Variants in POU2F1 observed in about 807,000 individuals in gnomAD.
The protein encoded by POU2F1 is POU domain, class 2, transcription factor 1.
POU2F1 carries 16 observed loss-of-function variants against 84.9 expected under a neutral mutation model. The ratio of observed to expected loss-of-function variants is 0.19; its 90% CI spans 0.13 to 0.29. The LOEUF is 0.29. POU2F1 is among the 10% of genes least tolerant of loss of function. The pLI, the probability that POU2F1 is intolerant of heterozygous loss-of-function variation, is 1.00. For synonymous variants in POU2F1, 368 were observed against 368.3 expected, an observed-to-expected ratio of 1.00 and a Z score of 0.01; for missense variants, 738 against 942.6, an observed-to-expected ratio of 0.78 and a Z score of 2.84.
At chr1:167,360,948 T>C (rs536701863) in intron 2 of POU2F1, among the ~76,000 whole-genome samples, 24 of 152,182 alleles carry the variant, frequency 1.6e-4, no homozygotes, top group Middle Eastern at 6.8e-3. Flanking sequence ...TATTTTATTT[T>C]ATTTTATTTT....
intron 13 of POU2F1, among the ~76,000 whole-genome samples, chr1:167,410,527 A>G (rs68147460): frequency 7.2e-6 from 1 of 138,620 alleles, no homozygotes; most frequent in African/African-American, 3.4e-5. Flanking sequence ...TATTATTATT[A>G]TTATTTTTAA....
chr1:167,408,294 A>G (rs1387957944), intron 13 of POU2F1, among the ~76,000 whole-genome samples: 1 of 152,218 alleles, frequency 6.6e-6, no homozygotes, highest in Non-Finnish European at 1.5e-5. Context: ...GGAATGTAGA[A>G]TGATACAGCT....
In POU2F1 at chr1:167,396,315, A is replaced by G. The variant is rs149539541; in HGVS notation, c.1017A>G (p.Leu339=). Residue 339 remains leucine (L), a synonymous_variant, in exon 10 of 16, where the codon CTA becomes CTG. Coordinates refer to ENST00000367866, the MANE Select transcript of POU2F1 (RefSeq NM_002697.4). ...QGDVGLAMGK[L]YGNDFSQTTI... is the part of the protein sequence containing the mutation. ...ATGTTGGGCTCGCTATGGGGAAACT[A>G]TATGGAAATGACTTCAGCCAAACTA... is the stretch of plus-strand genomic sequence containing the variant. 26 of 1,614,116 alleles carry G rather than the reference A, an allele frequency of 1.6e-5. No homozygotes were observed. Among genetic ancestry groups the G allele is most frequent in the East Asian group, 6.7e-5 (3 of 44,876 alleles).
At chr1:167,401,398 C>CT in intron 12 of POU2F1, 53 bp from the exon 13 acceptor site, 2 of 1,269,092 alleles carry the variant, frequency 1.6e-6, no homozygotes, top group South Asian at 1.3e-5. Context: ...ATCATTTCCT[C>CT]TTTAAGTTTT....
intron 1 of POU2F1, among the ~76,000 whole-genome samples, chr1:167,298,175 A>G (rs1162455858): frequency 6.6e-6 from 1 of 152,012 alleles, no homozygotes; most frequent in African/African-American, 2.4e-5. Context: ...TAGAGCAAGA[A>G]CGAGGAGCCT....
Position 167,237,741 on chromosome 1 carries a change from T to A in POU2F1, c.61+16783T>A, listed in dbSNP as rs1436301987. Among the ~76,000 whole-genome samples, 93 of 56,064 alleles carry A rather than the reference T, an allele frequency of 1.7e-3. 2 individuals carry two copies. The highest frequency in any genetic ancestry group is 5.4e-3 in the African/African-American group (91 of 16,766). 36.8% of individuals were successfully genotyped at this position (56,064 alleles called of 152,430 possible). On this transcript the variant is annotated intron_variant, in intron 1 of 15. Coordinates refer to ENST00000367866, the MANE Select transcript of POU2F1 (RefSeq NM_002697.4). ...TTTATTTTTTAAATCCATATATGTGTGTGTGTATATATATATATATATATA... is the reference window on the plus strand; with the variant it reads ...TTTATTTTTTAAATCCATATATGTGAGTGTGTATATATATATATATATATA...
intron 1 of POU2F1, among the ~76,000 whole-genome samples, 193 bp from the exon 2 acceptor site, chr1:167,332,277 G>A (rs1657124618): frequency 6.6e-6 from 1 of 152,050 alleles, no homozygotes; most frequent in South Asian, 2.1e-4. Context: ...AGGGTCTGGG[G>A]AATTTTGAAT....
intron 1 of POU2F1, among the ~76,000 whole-genome samples, chr1:167,287,460 A>G (rs978869525): frequency 2.0e-5 from 3 of 152,238 alleles, no homozygotes; most frequent in Non-Finnish European, 2.9e-5. Flanking sequence ...AGGAAAAAAG[A>G]CAACATCAGA....
intron 3 of POU2F1, among the ~76,000 whole-genome samples, chr1:167,367,572 C>A (rs1310645062): frequency 6.6e-6 from 1 of 152,028 alleles, no homozygotes; most frequent in Admixed American, 6.6e-5. Context: ...AAGGAATGCT[C>A]TCTTCTTTTT....
chr1:167,241,781 A>G (rs1041405110), intron 1 of POU2F1, among the ~76,000 whole-genome samples: 15 of 152,182 alleles, frequency 9.9e-5, no homozygotes, highest in East Asian at 5.8e-4. Context: ...TATGTGTTTT[A>G]TAGGTGTAGA....
At chr1:167,226,059 G>A (rs899450605) in intron 1 of POU2F1, among the ~76,000 whole-genome samples, 10 of 152,158 alleles carry the variant, frequency 6.6e-5, no homozygotes, top group South Asian at 2.1e-4. Context: ...GGTAATTTGC[G>A]TTTAGGGAAC....
In POU2F1 at chr1:167,280,531, A is replaced by G. The variant is rs550185271; in HGVS notation, c.62-51939A>G. On this transcript the variant is annotated intron_variant, in intron 1 of 15. Transcript: ENST00000367866. ...CAGCCAGAATTACCTAAAGGTATGA[A>G]CAGTATTATGACAGTTACCTTTAAA... Among the ~76,000 whole-genome samples, 82 of 152,304 alleles carry G rather than the reference A, an allele frequency of 5.4e-4. 1 individual carries two copies. In the South Asian group the frequency reaches 0.017, roughly 31 times the overall value.
At chr1:167,407,244 G>A (rs1458228772) in intron 13 of POU2F1, among the ~76,000 whole-genome samples, 1 of 151,978 alleles carries the variant, frequency 6.6e-6, no homozygotes, top group African/African-American at 2.4e-5. Context: ...TGCCCAGGCT[G>A]GTCTCGAACT....
intron 2 of POU2F1, among the ~76,000 whole-genome samples, chr1:167,360,436 C>G (rs1467979476): frequency 6.6e-6 from 1 of 152,146 alleles, no homozygotes; most frequent in Non-Finnish European, 1.5e-5. Context: ...GTTTTCCCAG[C>G]ACCGTTATAG....
At chr1:167,290,325 A>G (rs1053745653) in intron 1 of POU2F1, among the ~76,000 whole-genome samples, 1 of 152,172 alleles carries the variant, frequency 6.6e-6, no homozygotes, top group Admixed American at 6.5e-5. Flanking sequence ...TGAACCCAGG[A>G]GTTTGAGCCT....
intron 1 of POU2F1, among the ~76,000 whole-genome samples, chr1:167,305,911 A>G (rs1039811734): frequency 2.6e-5 from 4 of 151,914 alleles, no homozygotes; most frequent in Admixed American, 2.6e-4. Flanking sequence ...TGGAATTCCT[A>G]CTCTGCTGGG....
At position 167,360,218 on chromosome 1, in the gene POU2F1, C is replaced by T. The variant is rs542889954; in HGVS notation, c.128-5249C>T. On this transcript the variant is annotated intron_variant, in intron 2 of 15. Coordinates refer to ENST00000367866, the MANE Select transcript of POU2F1 (RefSeq NM_002697.4). Reference sequence around the variant, plus strand: ...TTTAGTTTAATTAAATCCAAGTTGTCTGTTTTTATTTTTGTTGCGTTTGCT... The same window carrying T: ...TTTAGTTTAATTAAATCCAAGTTGTTTGTTTTTATTTTTGTTGCGTTTGCT... 6.1e-3 allele frequency among the ~76,000 whole-genome samples: 925 copies of T among 152,178 alleles called. 8 individuals carry two copies. Among genetic ancestry groups the T allele is most frequent in the Middle Eastern group, 0.048 (14 of 294 alleles).
chr1:167,266,628 T>A (rs1176879711), intron 1 of POU2F1, among the ~76,000 whole-genome samples: 2 of 149,872 alleles, frequency 1.3e-5, no homozygotes, highest in Non-Finnish European at 3.0e-5. Flanking sequence ...ATTAATTTTT[T>A]TTTTTTTTTT....
intron 1 of POU2F1, among the ~76,000 whole-genome samples, chr1:167,253,389 C>A (rs1229362990): frequency 3.0e-5 from 4 of 135,194 alleles, no homozygotes; most frequent in Non-Finnish European, 6.4e-5. Context: ...CCCCCCCCCC[C>A]AAACACACAG....
Sources: allele counts gnomAD v4.1 joint callset (sites outside exome capture counted in the v4.1 genomes callset), GRCh38; gene constraint gnomAD v4.1.1; transcripts MANE v1.5; gene names NCBI Gene and HGNC (gene_info 2026-07-23, HGNC 2026-07-21).